The following SYNGR4 variants were observed in gnomAD, a reference collection of about 807,000 sequenced individuals.
The protein encoded by SYNGR4 is synaptogyrin 4, also known as synaptogyrin-4.
Under a neutral mutation model 15.5 loss-of-function variants are expected in SYNGR4, and 15 were observed. That is an observed-to-expected ratio of 0.97 (90% CI 0.65 to 1.49). SYNGR4 has a LOEUF of 1.49. Among genes scored for constraint, SYNGR4 ranks in the 40% most tolerant of loss-of-function variants. The pLI is 0.00. For missense variants in SYNGR4, 292 were observed against 299.3 expected, an observed-to-expected ratio of 0.98 and a Z score of 0.18; for synonymous variants, 121 against 127.4, an observed-to-expected ratio of 0.95 and a Z score of 0.34.
In SYNGR4 at chr19:48,373,612, C is replaced by T. The variant is rs749182758; in HGVS notation, c.189C>T (p.Ser63=). Residue 63 remains serine (S), a synonymous_variant, in exon 3 of 5, where the codon AGC becomes AGT. Coordinates refer to ENST00000344846, the MANE Select transcript of SYNGR4 (RefSeq NM_012451.4). ...PQLHCILNSN[S]VACSFAVGAG... The stretch of plus-strand genomic sequence containing the variant: ...TCCACTGCATTCTCAACAGCAACAG[C>T]GTGGCCTGCAGCTTTGCCGTGGGAG... 9 of 1,613,686 alleles carry T rather than the reference C, an allele frequency of 5.6e-6. No homozygotes were observed. The highest frequency in any genetic ancestry group is 2.2e-5 in the South Asian group (2 of 91,096).
chr19:48,376,048 C>T (rs372615862), intron 4 of SYNGR4, 37 bp from the exon 5 acceptor site: 226 of 1,613,838 alleles, frequency 1.4e-4, no homozygotes, highest in Non-Finnish European at 1.9e-4. Flanking sequence ...CCTGCCCAGC[C>T]CAAGTCAGCC....
intron 2 of SYNGR4, among the ~76,000 whole-genome samples, chr19:48,371,924 G>T (rs536734522): frequency 6.6e-6 from 1 of 151,440 alleles, no homozygotes; most frequent in Non-Finnish European, 1.5e-5. Context: ...CTCTCGCCTC[G>T]GCTGGAGTGC....
At chr19:48,365,673 G>T in intron 1 of SYNGR4, 63 bp from the exon 2 acceptor site, 1 of 432,496 alleles carries the variant, frequency 2.3e-6, no homozygotes, top group East Asian at 4.6e-5. Flanking sequence ...CAATCCTGGG[G>T]CCCCCAACAG....
intron 2 of SYNGR4, among the ~76,000 whole-genome samples, chr19:48,370,726 A>C (rs1232093606): frequency 1.3e-5 from 2 of 151,986 alleles, no homozygotes; most frequent in Non-Finnish European, 2.9e-5. Flanking sequence ...CACCAGACCA[A>C]AGAGAAGATT....
At chr19:48,374,813 T>G (rs542151821) in intron 3 of SYNGR4, among the ~76,000 whole-genome samples, 137 of 151,980 alleles carry the variant, frequency 9.0e-4, no homozygotes, top group African/African-American at 3.2e-3. Context: ...CTGTCTCCAC[T>G]AAAAATACAA....
chr19:48,364,966 C>T (rs1970168138), intron 1 of SYNGR4, among the ~76,000 whole-genome samples: 1 of 151,806 alleles, frequency 6.6e-6, no homozygotes, highest in African/African-American at 2.4e-5. Context: ...GCCCAACAAC[C>T]CCCTCAGCCC....
chr19:48,369,386 G>A (rs1970270693), intron 2 of SYNGR4, among the ~76,000 whole-genome samples: 1 of 152,190 alleles, frequency 6.6e-6, no homozygotes, highest in East Asian at 1.9e-4. Context: ...AGGGTTTTGG[G>A]GGTCAGTGGA....
Position 48,376,182 on chromosome 19 carries a change from T to G in SYNGR4, c.569T>G (p.Leu190Arg), listed in dbSNP as rs774511963. ...GAGGGTGGCATGGTGCTGACCACCC[T>G]CCCCTTGCCCTCTGCCAACAGCCCT... ...LDEGGMVLTTLPLPSANSPVN... is the reference protein window; with the variant it reads ...LDEGGMVLTTRPLPSANSPVN... The change falls in exon 5 of 5, where the codon CTC (leucine) becomes CGC (arginine). Residue 190 changes from leucine to arginine, a missense_variant. Physicochemically the swap from Leu to Arg is moderately radical, Grantham distance 102. Coordinates refer to ENST00000344846, the MANE Select transcript of SYNGR4 (RefSeq NM_012451.4). 1 of 1,613,904 alleles carries G rather than the reference T, an allele frequency of 6.2e-7. No individual in the cohort carries two copies. The highest frequency in any genetic ancestry group is 8.5e-7 in the Non-Finnish European group (1 of 1,179,978).
chr19:48,373,266 A>G (rs1481494923), intron 2 of SYNGR4: 3 of 513,306 alleles, frequency 5.8e-6, no homozygotes, highest in Admixed American at 6.4e-5. Flanking sequence ...GAGGTGGGGA[A>G]GACTGGAGGT....
At chr19:48,374,545 A>G (rs1423985211) in intron 3 of SYNGR4, among the ~76,000 whole-genome samples, 2 of 152,208 alleles carry the variant, frequency 1.3e-5, no homozygotes, top group Non-Finnish European at 2.9e-5. Flanking sequence ...AGTCCCAGTG[A>G]CTTAGGGCCA....
intron 2 of SYNGR4, among the ~76,000 whole-genome samples, chr19:48,368,777 A>G (rs1013211651): frequency 2.0e-5 from 3 of 152,200 alleles, no homozygotes; most frequent in African/African-American, 7.2e-5. Context: ...CCAGGGAAAG[A>G]GGGGAATCTT....
chr19:48,365,630 C>T lies in SYNGR4; in HGVS notation c.-107-106C>T, dbSNP rs563420739. On this transcript the variant is annotated intron_variant, in intron 1 of 4. Coordinates refer to ENST00000344846, the MANE Select transcript of SYNGR4 (RefSeq NM_012451.4). ...CCCCTCACCCCACACAACTCCATTC[C>T]GGGGACCCCCCCCATCCCCACCCCA... 2.7e-5 allele frequency: 12 copies of T among 441,262 alleles called. No individual in the cohort carries two copies. In the East Asian group the frequency reaches 2.9e-4, roughly 11 times the overall value. The allele number at this position is 441,262 out of a possible 1,614,324, so 27.3% of individuals were successfully genotyped here.
chr19:48,366,446 C>T (rs1243936914), intron 2 of SYNGR4, among the ~76,000 whole-genome samples: 1 of 151,842 alleles, frequency 6.6e-6, no homozygotes, highest in Non-Finnish European at 1.5e-5. Flanking sequence ...GTTGCCCAGG[C>T]TGGAGTGCAA....
chr19:48,368,286 C>A (rs913569453), intron 2 of SYNGR4, among the ~76,000 whole-genome samples: 3 of 152,162 alleles, frequency 2.0e-5, no homozygotes, highest in Non-Finnish European at 4.4e-5. Flanking sequence ...ATAATCTACT[C>A]CTAGGAAGAA....
chr19:48,372,176 C>T (rs1268529602), intron 2 of SYNGR4, among the ~76,000 whole-genome samples: 1 of 152,128 alleles, frequency 6.6e-6, no homozygotes, highest in Admixed American at 6.6e-5. Context: ...TGAGCCACCT[C>T]GCCCAGCCAC....
intron 2 of SYNGR4, among the ~76,000 whole-genome samples, chr19:48,369,950 T>C (rs541587982): frequency 1.8e-4 from 28 of 152,308 alleles, no homozygotes; most frequent in African/African-American, 6.3e-4. Context: ...GTGAATACCC[T>C]TGGTTATTGC....
chr19:48,373,305 G>A, intron 2 of SYNGR4: 1 of 580,836 alleles, frequency 1.7e-6, no homozygotes, highest in East Asian at 2.9e-5. Context: ...CTGGGGCAAG[G>A]GCCAAGGAGA....
At chr19:48,367,888 A>G (rs1970245103) in intron 2 of SYNGR4, among the ~76,000 whole-genome samples, 1 of 152,200 alleles carries the variant, frequency 6.6e-6, no homozygotes, top group South Asian at 2.1e-4. Flanking sequence ...CCGCTTTAAC[A>G]GAATTGGAAA....
At chr19:48,375,129 G>A (rs1970381684) in intron 3 of SYNGR4, among the ~76,000 whole-genome samples, 1 of 148,702 alleles carries the variant, frequency 6.7e-6, no homozygotes, top group African/African-American at 2.5e-5. Context: ...AGGTTCAAGC[G>A]ATTCTCCTGC....
Sources: allele counts gnomAD v4.1 joint callset (sites outside exome capture counted in the v4.1 genomes callset), GRCh38; gene constraint gnomAD v4.1.1; transcripts MANE v1.5; gene names NCBI Gene and HGNC (gene_info 2026-07-23, HGNC 2026-07-21).